The following LAMA4 variants were observed in gnomAD, a reference collection of about 807,000 sequenced individuals.
The protein encoded by LAMA4 is laminin subunit alpha 4.
LAMA4 carries 127 observed loss-of-function variants against 207.1 expected under a neutral mutation model. The ratio of observed to expected loss-of-function variants is 0.61; its 90% CI spans 0.53 to 0.71. The LOEUF is 0.71. LAMA4 is among the 30% of genes least tolerant of loss of function. The pLI, the probability that LAMA4 is intolerant of heterozygous loss-of-function variation, is 0.00. For synonymous variants in LAMA4, 761 were observed against 816.0 expected (o/e 0.93, Z 1.15); for missense variants, 2,093 against 2,246.5 (o/e 0.93, Z 1.38).
chr6:112,172,633 G>A lies in LAMA4; in HGVS notation c.1529C>T (p.Ala510Val), dbSNP rs781876769. 1.9e-6 allele frequency: 3 copies of A among 1,612,898 alleles called. No individual in the cohort carries two copies. Among genetic ancestry groups the A allele is most frequent in the South Asian group, 2.2e-5 (2 of 91,034 alleles). Residue 510 changes from alanine to valine, a missense_variant, in exon 12 of 39, where the codon GCA becomes GTA. Transcript: ENST00000230538. Reference protein sequence around the residue: ...RDAEDMNRATAARQRDHEKQQ... With the variant: ...RDAEDMNRATVARQRDHEKQQ... The stretch of plus-strand genomic sequence containing the variant: ...TACCTCATGGTCCCGCTGCCTGGCT[G>A]CTGTGGCCCTGTTCATGTCTTCGGC...
At chr6:112,150,479 C>T in intron 17 of LAMA4, 32 bp downstream of exon 17, 2 of 1,314,980 alleles carry the variant, frequency 1.5e-6, no homozygotes, top group Non-Finnish European at 2.2e-6. Context: ...AGTGAATCAA[C>T]AGATGAGACT....
At chr6:112,230,333 G>A (rs1583958367) in intron 2 of LAMA4, among the ~76,000 whole-genome samples, 1 of 152,208 alleles carries the variant, frequency 6.6e-6, no homozygotes, top group South Asian at 2.1e-4. Flanking sequence ...TGCAGTGGAT[G>A]TAATTTCCTA....
chr6:112,134,725 T>G, intron 25 of LAMA4, 116 bp from the exon 26 acceptor site: 1 of 841,668 alleles, frequency 1.2e-6, no homozygotes, highest in Non-Finnish European at 1.9e-6. Flanking sequence ...GCCTTTGTGC[T>G]TGTTTGTTCA....
At chr6:112,251,137 G>C (rs1787421053) in intron 2 of LAMA4, among the ~76,000 whole-genome samples, 2 of 152,324 alleles carry the variant, frequency 1.3e-5, no homozygotes, top group Admixed American at 6.5e-5. Flanking sequence ...AACTAGTACG[G>C]AGTTACCCAC....
chr6:112,136,139 T>C lies in LAMA4; in HGVS notation c.3398A>G (p.Asp1133Gly). ...GATTTGTACCTCATGGTATTTTGCA[T>C]CATTAATTTGAGCTTTCTTTAACGT... ...EDTLKKAQIN[D>G]AKYHEISIIY... The change falls in exon 25 of 39, where the codon GAT becomes GGT. Residue 1133 changes from aspartate (D) to glycine (G), a missense_variant. Physicochemically the swap from Asp to Gly is moderately conservative, Grantham distance 94. This residue lies in a region of LAMA4 where 1,704 missense variants were observed against 1,788.4 expected (regional missense o/e 0.95). Coordinates refer to ENST00000230538, the MANE Select transcript of LAMA4 (RefSeq NM_001105206.3). 3 of 1,612,982 alleles carry C rather than the reference T, an allele frequency of 1.9e-6. No homozygotes were observed. Among genetic ancestry groups the C allele is most frequent in the Non-Finnish European group, 2.5e-6 (3 of 1,179,606 alleles).
intron 31 of LAMA4, among the ~76,000 whole-genome samples, chr6:112,125,275 A>G (rs549794041): frequency 6.6e-6 from 1 of 152,274 alleles, no homozygotes; most frequent in South Asian, 2.1e-4. Context: ...CCTTAGGTTT[A>G]CATGTTTTCT....
chr6:112,172,759 C>T lies in LAMA4; in HGVS notation c.1403G>A (p.Arg468His), dbSNP rs1554342373. 6 of 1,613,926 alleles carry T rather than the reference C, an allele frequency of 3.7e-6. No individual in the cohort carries two copies. Among genetic ancestry groups the T allele is most frequent in the East Asian group, 2.2e-5 (1 of 44,860 alleles). The change falls in exon 12 of 39, where the codon CGC (arginine) becomes CAC (histidine). Residue 468 changes from arginine to histidine, a missense_variant. Arg to His is a conservative substitution (Grantham distance 29). Transcript: ENST00000230538. The part of the protein sequence containing the change: ...ESWQRLHNET[R>H]TLFPVVLEQL... ...CTCCAGGACGACAGGAAACAGAGTG[C>T]GGGTCTCATTGTGCAGCCGCTGCCA...
intron 2 of LAMA4, among the ~76,000 whole-genome samples, chr6:112,224,134 T>G (rs782660855): frequency 1.3e-5 from 2 of 152,196 alleles, no homozygotes; most frequent in Non-Finnish European, 2.9e-5. Flanking sequence ...TCCACAGGGA[T>G]GAGGGGAGGC....
chr6:112,117,896 A>C lies in LAMA4; in HGVS notation c.4824T>G (p.Ile1608Met). Residue 1608 changes from isoleucine (I) to methionine (M), a missense_variant and splice_region_variant, in exon 35 of 39, where the codon ATT (isoleucine) becomes ATG (methionine). Around this residue, in one of 3 missense-constraint regions of LAMA4, gnomAD observed 383 missense variants for 437.8 expected, o/e 0.87. Transcript: ENST00000230538. The surrounding 1 kb of genome is among the most constrained non-coding windows in gnomAD (Gnocchi z 4.5). ...APGKAVKNVQ[I>M]NSIYSFSGCL... Reference sequence around the variant, plus strand: ...AGCCACTAAAACTGTAGATGGAGTTAATCTGAGGGAAGAAGATATTTCTTA... The same window carrying C: ...AGCCACTAAAACTGTAGATGGAGTTCATCTGAGGGAAGAAGATATTTCTTA... The C allele has an allele frequency of 1.2e-6, 2 of 1,613,034 alleles. No individual in the cohort carries two copies. The highest frequency in any genetic ancestry group is 1.7e-6 in the Non-Finnish European group (2 of 1,179,202).
intron 2 of LAMA4, among the ~76,000 whole-genome samples, chr6:112,243,754 A>C (rs1045017721): frequency 1.1e-4 from 17 of 152,218 alleles, no homozygotes; most frequent in Non-Finnish European, 2.4e-4. Context: ...GGTAATAATC[A>C]CTAGTTCTAA....
chr6:112,250,934 T>C (rs775213388), intron 2 of LAMA4, among the ~76,000 whole-genome samples: 1 of 152,178 alleles, frequency 6.6e-6, no homozygotes. Flanking sequence ...CCTGCTATAG[T>C]GTGTGTGGTG....
Position 112,114,722 on chromosome 6 carries a change from A to G in LAMA4, c.5147T>C (p.Phe1716Ser), listed in dbSNP as rs1489102065. 1.2e-6 allele frequency: 2 copies of G among 1,612,808 alleles called. No individual in the cohort carries two copies. Among genetic ancestry groups the G allele is most frequent in the South Asian group, 1.1e-5 (1 of 91,066 alleles). ...IVKVNNGIRD[F>S]STSVTPKQSL... The stretch of plus-strand genomic sequence containing the variant: ...CTGCTTGGGTGTAACTGAGGTGGAA[A>G]AATCTCTGATGCCATTATTGACTTT... Residue 1716 changes from phenylalanine (F) to serine (S), a missense_variant, in exon 37 of 39, where the codon TTT becomes TCT. Physicochemically the swap from Phe to Ser is radical, Grantham distance 155. Transcript: ENST00000230538.
rs1779741892 is a variant in LAMA4, at chr6:112,142,246, T to G, written c.2540A>C (p.His847Pro). The G allele has an allele frequency of 6.2e-7, 1 of 1,614,030 alleles. No homozygotes were observed. ...MFDGQSAVEV[H>P]SRTSMDDLKA... The stretch of plus-strand genomic sequence containing the variant: ...TAAGTCATCCATACTGGTTCTCGAG[T>G]GCACTTCCACAGCTGACTGGCCATC... The change falls in exon 20 of 39, where the codon CAC (histidine) becomes CCC (proline). Residue 847 changes from histidine to proline, a missense_variant. By Grantham distance (77) the His-to-Pro change is moderately conservative. Transcript: ENST00000230538.
intron 2 of LAMA4, 104 bp downstream of exon 2, chr6:112,253,852 C>T: frequency 6.2e-7 from 1 of 1,614,258 alleles, no homozygotes; most frequent in Non-Finnish European, 8.5e-7. Context: ...ACTCTCAAGG[C>T]ACTGGGGAGA....
chr6:112,166,224 G>C (rs567958389), intron 12 of LAMA4: 1 of 152,304 alleles, frequency 6.6e-6, no homozygotes, highest in Admixed American at 6.5e-5. Context: ...AGAAAAGGAA[G>C]AATGGAACCC....
intron 35 of LAMA4, among the ~76,000 whole-genome samples, chr6:112,116,757 T>C (rs1258873586): frequency 1.1e-4 from 16 of 152,190 alleles, no homozygotes; most frequent in African/African-American, 1.9e-4. Context: ...CTGTTATTAG[T>C]TAGTGCTCAT....
chr6:112,241,114 T>TGAATATATATATGAATATATAG (rs1200759059), intron 2 of LAMA4, among the ~76,000 whole-genome samples: 1 of 133,296 alleles, frequency 7.5e-6, no homozygotes, highest in Non-Finnish European at 1.6e-5. Flanking sequence ...TATATATATA[T>TGAATATATATATGAATATATAG]GAATATATAT....
chr6:112,214,993 A>T (rs1554358177), intron 3 of LAMA4, among the ~76,000 whole-genome samples: 2 of 152,236 alleles, frequency 1.3e-5, no homozygotes, highest in Admixed American at 1.3e-4. Flanking sequence ...TGTGCTTGAC[A>T]GTCTCCACTG....
At chr6:112,133,303 A>C (rs955248768) in intron 27 of LAMA4, 46 bp downstream of exon 27, 1 of 1,603,828 alleles carries the variant, frequency 6.2e-7, no homozygotes, top group Non-Finnish European at 8.5e-7. Context: ...TTTGAGAGTG[A>C]TAAGTATTGT....
Sources: gnomAD v4.1 joint callset for allele counts (sites outside exome capture counted in the v4.1 genomes callset) on GRCh38, gnomAD v4.1.1 for gene constraint, gnomAD v4.1.1 regional missense constraint, Gnocchi (gnomAD v3.1) non-coding constraint, MANE v1.5 for transcripts, NCBI Gene and HGNC (gene_info 2026-07-23, HGNC 2026-07-21) for gene names.